Variants in NUP155 observed in about 807,000 individuals in gnomAD.
The protein encoded by NUP155 is nucleoporin 155.
NUP155 carries 71 observed loss-of-function variants against 180.4 expected under a neutral mutation model. That is an observed-to-expected ratio of 0.39 (90% CI 0.33 to 0.48). The LOEUF is 0.48. Among genes scored for constraint, NUP155 ranks in the 20% least tolerant of loss-of-function variants. The pLI is 0.91. For synonymous variants in NUP155, 582 were observed against 559.5 expected (o/e 1.04, Z -0.57); for missense variants, 1,553 against 1,648.9 (o/e 0.94, Z 1.01).
At chr5:37,340,169 G>A (rs1011586547) in intron 11 of NUP155, among the ~76,000 whole-genome samples, 4 of 152,144 alleles carry the variant, frequency 2.6e-5, no homozygotes, top group Non-Finnish European at 5.9e-5. Context: ...CCAGGTGCAC[G>A]GTGGCTCATG....
rs190469703 is a variant in NUP155 at position 37,346,287 on chromosome 5, A to C, written c.995+2218T>G. 8.5e-5 allele frequency among the ~76,000 whole-genome samples: 13 copies of C among 152,074 alleles called. No homozygotes were observed. The East Asian group carries it at 1.5e-3, about 18-fold the overall frequency. ...AGTGAAACCCTGTCTGAAAAAAAAA[A>C]CAAAAAGTTGATTTATTTCACTCTG... On this transcript the variant is annotated intron_variant, in intron 9 of 34. Coordinates refer to ENST00000231498, the MANE Select transcript of NUP155 (RefSeq NM_153485.3).
intron 27 of NUP155, among the ~76,000 whole-genome samples, chr5:37,303,696 C>T (rs944090535): frequency 3.3e-5 from 5 of 152,084 alleles, no homozygotes; most frequent in South Asian, 4.1e-4. Context: ...CTGTAATCCT[C>T]GCACTTTGGG....
chr5:37,361,887 GA>G (rs1747246421), intron 3 of NUP155, among the ~76,000 whole-genome samples: 1 of 152,084 alleles, frequency 6.6e-6, no homozygotes, highest in African/African-American at 2.4e-5. Context: ...TGGGGTCTTT[GA>G]AAGGTTATTA....
chr5:37,290,108 A>C lies in NUP155; in HGVS notation c.*1792T>G, dbSNP rs960517077. The stretch of plus-strand genomic sequence containing the variant: ...CAATAATGGAAGGAAAAATATATTC[A>C]AAATGTATTGTACAAATTGTTAGAC... On this transcript the variant is annotated 3_prime_UTR_variant, in exon 35 of 35. Coordinates refer to ENST00000231498, the MANE Select transcript of NUP155 (RefSeq NM_153485.3). 3 of 152,210 alleles carry C rather than the reference A, an allele frequency of 2.0e-5. No homozygotes were observed. The highest frequency in any genetic ancestry group is 7.2e-5 in the African/African-American group (3 of 41,448). 9.4% of individuals were successfully genotyped at this position (152,210 alleles called of 1,614,324 possible). A position where few individuals can be genotyped will look rare whatever the true frequency, so the allele number is the denominator to read the frequency against.
chr5:37,351,198 C>T lies in NUP155; in HGVS notation c.715G>A (p.Ala239Thr), dbSNP rs778937058. The T allele has an allele frequency of 3.7e-6, 6 of 1,613,598 alleles. No individual in the cohort carries two copies. The South Asian group carries it at 6.6e-5, about 18-fold the overall frequency. The change falls in exon 6 of 35, where the codon GCC (alanine) becomes ACC (threonine). Residue 239 changes from alanine (A) to threonine (T), a missense_variant. Ala to Thr is a moderately conservative substitution (Grantham distance 58). Transcript: ENST00000231498. ...AGKDGCLYEV[A>T]YQAEAGWFSQ... ...ACAAATGTCAGACTTACCTGGTAGG[C>T]TACTTCATATAAACAGCCATCCTTT...
At position 37,294,024 on chromosome 5, in the gene NUP155, A is replaced by T. The variant is rs1054057452; in HGVS notation, c.3930+305T>A. On this transcript the variant is annotated intron_variant, in intron 33 of 34. Transcript: ENST00000231498. ...CCGTCTCAAAAAAAAAAAAAAAAAA[A>T]AAAATAAAGCAAATGATGATTCTTA... is the stretch of plus-strand genomic sequence containing the variant. Among the ~76,000 whole-genome samples, 57 of 76,180 alleles carry T rather than the reference A, an allele frequency of 7.5e-4. 9 individuals carry two copies. Among genetic ancestry groups the T allele is most frequent in the Middle Eastern group, 5.6e-3 (1 of 180 alleles). The allele number at this position is 76,180 out of a possible 152,430, so 50.0% of individuals were successfully genotyped here.
intron 3 of NUP155, among the ~76,000 whole-genome samples, chr5:37,362,384 G>A (rs1459685814): frequency 6.6e-6 from 1 of 151,908 alleles, no homozygotes; most frequent in African/African-American, 2.4e-5. Context: ...CGCCTCCCAG[G>A]TTCAAGTGAT....
At position 37,292,953 on chromosome 5, in the gene NUP155, C is replaced by T; in HGVS notation, c.3963G>A (p.Leu1321=). ...ATACATGTATACAATCCAAAAGGTG[C>T]AGTGGCTTCTTCATTCTGTTCCAGA... is the stretch of plus-strand genomic sequence containing the variant. ...DPFWNRMKKP[L]HLLDCIHVLL... is the part of the protein sequence containing the mutation. The change falls in exon 34 of 35, where the codon CTG becomes CTA. Residue 1321 remains leucine (L), a synonymous_variant. Coordinates refer to ENST00000231498, the MANE Select transcript of NUP155 (RefSeq NM_153485.3). The T allele has an allele frequency of 6.2e-7, 1 of 1,612,126 alleles. No homozygotes were observed. The highest frequency in any genetic ancestry group is 8.5e-7 in the Non-Finnish European group (1 of 1,178,556).
At chr5:37,325,859 C>T (rs1581163886) in intron 19 of NUP155, 42 bp downstream of exon 19, 1 of 1,215,552 alleles carries the variant, frequency 8.2e-7, no homozygotes, top group Non-Finnish European at 1.2e-6. Context: ...ATACCATCAA[C>T]TGGCTACACA....
chr5:37,340,971 T>C (rs951132327), intron 11 of NUP155, 119 bp downstream of exon 11: 12 of 854,238 alleles, frequency 1.4e-5, no homozygotes, highest in Non-Finnish European at 2.2e-5. Context: ...TCCCTGACCC[T>C]TCTAGTAGTT....
chr5:37,351,456 T>C, intron 5 of NUP155, 100 bp from the exon 6 acceptor site: 1 of 889,198 alleles, frequency 1.1e-6, no homozygotes, highest in Non-Finnish European at 1.8e-6. Flanking sequence ...TCAATTCTTT[T>C]TTTTTTTTCT....
chr5:37,323,262 G>A (rs1469549367), intron 20 of NUP155, among the ~76,000 whole-genome samples: 1 of 152,214 alleles, frequency 6.6e-6, no homozygotes, highest in Non-Finnish European at 1.5e-5. Flanking sequence ...TCCAGCACGG[G>A]TGACAGAGCA....
chr5:37,355,932 A>G (rs1056915698), intron 4 of NUP155, among the ~76,000 whole-genome samples: 1 of 151,742 alleles, frequency 6.6e-6, no homozygotes, highest in South Asian at 2.1e-4. Flanking sequence ...AACTCTGATA[A>G]GAGATTTGGC....
At chr5:37,298,638 A>C (rs1281519836) in intron 32 of NUP155, among the ~76,000 whole-genome samples, 1 of 152,178 alleles carries the variant, frequency 6.6e-6, no homozygotes, top group Non-Finnish European at 1.5e-5. Context: ...GCACAATCCT[A>C]AGACAGGTAA....
intron 20 of NUP155, among the ~76,000 whole-genome samples, chr5:37,323,321 C>G (rs1353616396): frequency 6.6e-6 from 1 of 152,112 alleles, no homozygotes; most frequent in Non-Finnish European, 1.5e-5. Flanking sequence ...CAGGAATGCT[C>G]ATATCAGCAT....
intron 21 of NUP155, among the ~76,000 whole-genome samples, chr5:37,316,856 T>C (rs1489704920): frequency 2.0e-5 from 3 of 146,804 alleles, no homozygotes; most frequent in South Asian, 2.3e-4. Context: ...GCCACTGAAC[T>C]GTACACTTAA....
At chr5:37,335,172 A>G (rs1031418427) in intron 12 of NUP155, among the ~76,000 whole-genome samples, 3 of 151,528 alleles carry the variant, frequency 2.0e-5, no homozygotes, top group Non-Finnish European at 4.4e-5. Flanking sequence ...AAAAAAAAAA[A>G]AAAGTATTTT....
intron 14 of NUP155, among the ~76,000 whole-genome samples, chr5:37,330,454 C>T (rs1380228242): frequency 6.6e-6 from 1 of 152,176 alleles, no homozygotes; most frequent in African/African-American, 2.4e-5. Context: ...CACTGAATAC[C>T]TACCATGTGT....
chr5:37,340,468 AAT>A (rs1414418108), intron 11 of NUP155, among the ~76,000 whole-genome samples: 1 of 152,104 alleles, frequency 6.6e-6, no homozygotes, highest in Non-Finnish European at 1.5e-5. Context: ...TCAAAGTTGG[AAT>A]AGTCACACTT....
Sources: gnomAD v4.1 joint callset for allele counts (sites outside exome capture counted in the v4.1 genomes callset) on GRCh38, gnomAD v4.1.1 for gene constraint, MANE v1.5 for transcripts, NCBI Gene and HGNC (gene_info 2026-07-23, HGNC 2026-07-21) for gene names.